The following PIK3R5 variants were observed in gnomAD, a reference collection of about 807,000 sequenced individuals.
PIK3R5 encodes the protein phosphoinositide-3-kinase regulatory subunit 5, also known as phosphoinositide 3-kinase regulatory subunit 5.
In PIK3R5, 32 loss-of-function variants were observed where a neutral mutation model predicts 94.9. The ratio of observed to expected loss-of-function variants is 0.34; its 90% CI spans 0.25 to 0.45. PIK3R5 has a LOEUF of 0.45. Among genes scored for constraint, PIK3R5 ranks in the 20% least tolerant of loss-of-function variants. PIK3R5 has a pLI of 1.00. For missense variants in PIK3R5, 853 were observed against 1,144.6 expected, an observed-to-expected ratio of 0.75 and a Z score of 3.68; for synonymous variants, 443 against 479.4, an observed-to-expected ratio of 0.92 and a Z score of 0.99.
At chr17:8,943,565 G>A (rs1396532822) in intron 1 of PIK3R5, among the ~76,000 whole-genome samples, 1 of 152,152 alleles carries the variant, frequency 6.6e-6, no homozygotes, top group Non-Finnish European at 1.5e-5. Flanking sequence ...CAGGTCAGGA[G>A]TTCGAGACCA....
intron 1 of PIK3R5, among the ~76,000 whole-genome samples, chr17:8,931,147 A>G (rs73253069): frequency 0.017 from 2,636 of 152,350 alleles, 74 homozygotes; most frequent in African/African-American, 0.06. Context: ...TTGTACAGAT[A>G]AGTTTAAAAT....
At position 8,911,774 on chromosome 17, in the gene PIK3R5, G is replaced by A. The variant is rs1295531861; in HGVS notation, c.-13-267C>T. 2.6e-5 allele frequency: 9 copies of A among 343,036 alleles called. No individual in the cohort carries two copies. The highest frequency in any genetic ancestry group is 4.8e-5 in the Non-Finnish European group (9 of 188,706). The allele number at this position is 343,036 out of a possible 1,614,324, so 21.2% of individuals were successfully genotyped here. On this transcript the variant is annotated intron_variant, in intron 1 of 18. Transcript: ENST00000447110. The surrounding 1 kb of genome is among the most constrained non-coding windows in gnomAD (Gnocchi z 5.3). ...AAGTAAGGGGTCAGGAATGGGAGCA[G>A]AGAGGTGGAAAGGGCACTGGGCAGT...
intron 1 of PIK3R5, among the ~76,000 whole-genome samples, chr17:8,926,109 G>T (rs1463456496): frequency 6.6e-6 from 1 of 152,172 alleles, no homozygotes. Flanking sequence ...GATGTGACAG[G>T]ATCCAAAACA....
intron 5 of PIK3R5, among the ~76,000 whole-genome samples, chr17:8,898,829 G>A (rs1014894890): frequency 2.0e-5 from 3 of 149,110 alleles, no homozygotes; most frequent in Non-Finnish European, 4.5e-5. Flanking sequence ...ACAAGGGTTC[G>A]TGTTCCCTCT....
Position 8,880,506 on chromosome 17 carries a change from C to T in PIK3R5, c.*133G>A. On this transcript the variant is annotated 3_prime_UTR_variant, in exon 19 of 19. Transcript: ENST00000447110. Reference sequence around the variant, plus strand: ...AGAAACCCTCTACTCCCAGCCCCTGCTCATTGCAGGACCCACAGTGGGACT... The same window carrying T: ...AGAAACCCTCTACTCCCAGCCCCTGTTCATTGCAGGACCCACAGTGGGACT... 1.1e-6 allele frequency: 1 copy of T among 882,424 alleles called. No homozygotes were observed. Among genetic ancestry groups the T allele is most frequent in the Non-Finnish European group, 1.6e-6 (1 of 616,600 alleles). The allele number at this position is 882,424 out of a possible 1,614,324, so 54.7% of individuals were successfully genotyped here.
chr17:8,883,917 C>T (rs1057121616), intron 15 of PIK3R5, among the ~76,000 whole-genome samples: 1 of 152,164 alleles, frequency 6.6e-6, no homozygotes, highest in Non-Finnish European at 1.5e-5. Context: ...CAGTGAGTGT[C>T]GGTGCCTCCT....
chr17:8,958,242 G>A (rs1349126833), intron 1 of PIK3R5, among the ~76,000 whole-genome samples: 1 of 150,760 alleles, frequency 6.6e-6, no homozygotes, highest in East Asian at 1.9e-4. Context: ...CCTGGCAGGT[G>A]GAGGTTCGCA....
chr17:8,949,429 T>C (rs1330317772), intron 1 of PIK3R5, among the ~76,000 whole-genome samples: 1 of 152,166 alleles, frequency 6.6e-6, no homozygotes, highest in Non-Finnish European at 1.5e-5. Flanking sequence ...AATAAAGGCA[T>C]CTCAGAGTCA....
At position 8,916,852 on chromosome 17, in the gene PIK3R5, A is replaced by G. The variant is rs1308483774; in HGVS notation, c.-13-5345T>C. 3 of 152,218 alleles carry G rather than the reference A, an allele frequency of 2.0e-5. No homozygotes were observed. The East Asian group carries it at 5.8e-4, about 29-fold the overall frequency. 9.4% of individuals were successfully genotyped at this position (152,218 alleles called of 1,614,324 possible). A position where few individuals can be genotyped will look rare whatever the true frequency, so the allele number is the denominator to read the frequency against. ...AGGAGAGCCTCTTGGGGGTTTCTAA[A>G]TAGTAATGAAAGGAGGAGTTAGAGG... is the stretch of plus-strand genomic sequence containing the variant. On this transcript the variant is annotated intron_variant, in intron 1 of 18. Transcript: ENST00000447110.
At position 8,880,766 on chromosome 17, in the gene PIK3R5, T is replaced by C; in HGVS notation, c.2516A>G (p.Tyr839Cys). The C allele has an allele frequency of 6.2e-7, 1 of 1,613,690 alleles. No homozygotes were observed. The highest frequency in any genetic ancestry group is 8.5e-7 in the Non-Finnish European group (1 of 1,179,770). Reference sequence around the variant, plus strand: ...GGAGAGGTCGCTCTTCTCTGGCTTGTAGCACGGTGAGACCTCACATCTGTG... The same window carrying C: ...GGAGAGGTCGCTCTTCTCTGGCTTGCAGCACGGTGAGACCTCACATCTGTG... Reference protein sequence around the residue: ...SVVRCEVSPCYKPEKSDLSSP... With the variant: ...SVVRCEVSPCCKPEKSDLSSP... The change falls in exon 19 of 19, where the codon TAC becomes TGC. Residue 839 changes from tyrosine (Y) to cysteine (C), a missense_variant. Physicochemically the swap from Tyr to Cys is radical, Grantham distance 194. Coordinates refer to ENST00000447110, the MANE Select transcript of PIK3R5 (RefSeq NM_001142633.3).
In PIK3R5 at chr17:8,902,778, A is replaced by T. The variant is rs1169172922; in HGVS notation, c.412+1999T>A. Among the ~76,000 whole-genome samples, 4 of 151,248 alleles carry T rather than the reference A, an allele frequency of 2.6e-5. No homozygotes were observed. In the East Asian group the frequency reaches 7.7e-4, roughly 29 times the overall value. On this transcript the variant is annotated intron_variant, in intron 5 of 18. Transcript: ENST00000447110. ...TTGTGGTCTTGTCTTCTACACCTAA[A>T]CCTTTAATGTATCTAAAAGTTATTT...
rs1254813569 is a variant in PIK3R5, at chr17:8,880,689, A to G, written c.2593T>C (p.Cys865Arg). 6.2e-7 allele frequency: 1 copy of G among 1,613,728 alleles called. No homozygotes were observed. Among genetic ancestry groups the G allele is most frequent in the Non-Finnish European group, 8.5e-7 (1 of 1,179,916 alleles). ...DLPAQAAPDL[C>R]SLLCLPIMTF... is the part of the protein sequence containing the mutation. ...ATGATGGGCAGGCAGAGAAGGGAGCAGAGATCAGGTGCGGCCTGGGCCGGC... is the reference window on the plus strand; with the variant it reads ...ATGATGGGCAGGCAGAGAAGGGAGCGGAGATCAGGTGCGGCCTGGGCCGGC... Residue 865 changes from cysteine to arginine, a missense_variant, in exon 19 of 19, where the codon TGC (cysteine) becomes CGC (arginine). Transcript: ENST00000447110.
chr17:8,881,028 G>A lies in PIK3R5; in HGVS notation c.2383-11C>T, dbSNP rs781112258. On this transcript the variant is annotated splice_polypyrimidine_tract_variant and intron_variant, in intron 17 of 18. Transcript: ENST00000447110. The surrounding 1 kb of genome is among the most constrained non-coding windows in gnomAD (Gnocchi z 4.8). ...CTGCGATGTGCTAATCTGGAAGGAA[G>A]GCCCAGGTCAGCCCCAAATCCCTGG... 12 of 1,606,812 alleles carry A rather than the reference G, an allele frequency of 7.5e-6. No homozygotes were observed. The highest frequency in any genetic ancestry group is 1.0e-5 in the Non-Finnish European group (12 of 1,173,374).
chr17:8,925,334 C>G lies in PIK3R5; in HGVS notation c.-13-13827G>C, dbSNP rs146487786. Among the ~76,000 whole-genome samples, 84 of 143,276 alleles carry G rather than the reference C, an allele frequency of 5.9e-4. No homozygotes were observed. The highest frequency in any genetic ancestry group is 4.8e-3 in the East Asian group (23 of 4,748). The allele number at this position is 143,276 out of a possible 152,430, so 94.0% of individuals were successfully genotyped here. On this transcript the variant is annotated intron_variant, in intron 1 of 18. Coordinates refer to ENST00000447110, the MANE Select transcript of PIK3R5 (RefSeq NM_001142633.3). The surrounding 1 kb of genome is among the most constrained non-coding windows in gnomAD (Gnocchi z 5.1). ...GATGGATAGATAGTAGATGGATAGACAGTAGATTGATAGATAGATGGATTG... is the reference window on the plus strand; with the variant it reads ...GATGGATAGATAGTAGATGGATAGAGAGTAGATTGATAGATAGATGGATTG...
At chr17:8,928,186 A>G (rs1211649656) in intron 1 of PIK3R5, among the ~76,000 whole-genome samples, 3 of 152,210 alleles carry the variant, frequency 2.0e-5, no homozygotes, top group African/African-American at 4.8e-5. Context: ...CATTCATGTG[A>G]TTGGAGTACC....
At chr17:8,957,527 G>A (rs936007175) in intron 1 of PIK3R5, among the ~76,000 whole-genome samples, 3 of 152,146 alleles carry the variant, frequency 2.0e-5, no homozygotes, top group Admixed American at 6.5e-5. Flanking sequence ...TTCTGTCATC[G>A]CTATCCTGGT....
chr17:8,916,086 G>C (rs1036271738), intron 1 of PIK3R5: 1 of 152,266 alleles, frequency 6.6e-6, no homozygotes, highest in Non-Finnish European at 1.5e-5. Context: ...TCTCGAGCTC[G>C]CCCCAAGTTC....
intron 5 of PIK3R5, among the ~76,000 whole-genome samples, chr17:8,899,195 G>A (rs2090220977): frequency 6.6e-6 from 1 of 152,240 alleles, no homozygotes; most frequent in South Asian, 2.1e-4. Flanking sequence ...GAGGCACTGG[G>A]CGATCATACG....
intron 1 of PIK3R5, among the ~76,000 whole-genome samples, chr17:8,918,143 T>C (rs1258144090): frequency 6.6e-6 from 1 of 152,234 alleles, no homozygotes; most frequent in Non-Finnish European, 1.5e-5. Context: ...TCTAGTTCTG[T>C]CTACAGAGAA....
Sources: allele counts gnomAD v4.1 joint callset (sites outside exome capture counted in the v4.1 genomes callset), GRCh38; gene constraint gnomAD v4.1.1; non-coding constraint Gnocchi (gnomAD v3.1); transcripts MANE v1.5; gene names NCBI Gene and HGNC (gene_info 2026-07-23, HGNC 2026-07-21).